Variants in CD2AP observed in about 807,000 individuals in gnomAD.
CD2AP encodes CD2 associated protein, also known as CD2-associated protein.
A neutral mutation model predicts 85.1 loss-of-function variants in CD2AP; 46 were observed. The observed-to-expected ratio is 0.54, with a 90% CI of 0.43 to 0.69. The LOEUF (loss-of-function observed/expected upper bound fraction) is 0.69, where lower values mean the gene tolerates loss of function less well. Ranked by LOEUF, CD2AP falls within the 30% of genes least tolerant of loss-of-function variation. The pLI is 0.00. For synonymous variants in CD2AP, 255 were observed against 252.9 expected, an observed-to-expected ratio of 1.01 and a Z score of -0.08; for missense variants, 769 against 729.5, an observed-to-expected ratio of 1.05 and a Z score of -0.62.
At chr6:47,562,985 G>A (rs1179540592) in intron 5 of CD2AP, 2 of 428,382 alleles carry the variant, frequency 4.7e-6, no homozygotes, top group Non-Finnish European at 8.5e-6. Flanking sequence ...CTTACGCCCA[G>A]TATGTCATCG....
At chr6:47,595,031 G>A (rs189393296) in intron 11 of CD2AP, among the ~76,000 whole-genome samples, 122 of 151,810 alleles carry the variant, frequency 8.0e-4, no homozygotes, top group Non-Finnish European at 1.4e-3. Flanking sequence ...TTGTATATAC[G>A]TCTTAAGACA....
At chr6:47,581,966 T>C (rs1340482531) in intron 10 of CD2AP, 37 bp from the exon 11 acceptor site, 6 of 1,356,350 alleles carry the variant, frequency 4.4e-6, no homozygotes, top group Non-Finnish European at 5.3e-6. Context: ...GCTTTAAAAC[T>C]GTCTTCTTAA....
At chr6:47,539,344 C>T (rs1562022514) in intron 3 of CD2AP, among the ~76,000 whole-genome samples, 2 of 152,152 alleles carry the variant, frequency 1.3e-5, no homozygotes, top group Non-Finnish European at 2.9e-5. Flanking sequence ...TATTGAAGCT[C>T]TTCTTTAGGT....
Position 47,609,219 on chromosome 6 carries a change from G to A in CD2AP, c.1729G>A (p.Asp577Asn). 2 of 1,613,086 alleles carry A rather than the reference G, an allele frequency of 1.2e-6. No homozygotes were observed. The highest frequency in any genetic ancestry group is 1.7e-6 in the Non-Finnish European group (2 of 1,179,346). ...AATCAAAGCTAAAGTGGAAACAGAT[G>A]ATGTGAAAAAAAATTCCCTGGATGA... ...LEIKAKVETD[D>N]VKKNSLDELR... Residue 577 changes from aspartate (D) to asparagine (N), a missense_variant, in exon 16 of 18, where the codon GAT (aspartate) becomes AAT (asparagine). By Grantham distance (23) the Asp-to-Asn change is conservative. Transcript: ENST00000359314.
chr6:47,478,048 C>A lies in CD2AP; in HGVS notation c.-197C>A. On this transcript the variant is annotated 5_prime_UTR_variant, in exon 1 of 18. Coordinates refer to ENST00000359314, the MANE Select transcript of CD2AP (RefSeq NM_012120.3). ...GGAGCTGTCGCCGCCTTTGCCTCTG[C>A]CTCGAGGGCCGCGCTGAAGAGACTG... is the stretch of plus-strand genomic sequence containing the variant. The A allele has an allele frequency of 1.5e-6, 1 of 685,594 alleles. No individual in the cohort carries two copies. Among genetic ancestry groups the A allele is most frequent in the Non-Finnish European group, 2.5e-6 (1 of 403,910 alleles). The allele number at this position is 685,594 out of a possible 1,614,324, so 42.5% of individuals were successfully genotyped here.
intron 5 of CD2AP, among the ~76,000 whole-genome samples, chr6:47,565,411 G>A (rs1342727843): frequency 1.3e-5 from 2 of 152,068 alleles, no homozygotes; most frequent in African/African-American, 4.8e-5. Context: ...TTGCTAAATA[G>A]GAATGTGTTT....
intron 4 of CD2AP, among the ~76,000 whole-genome samples, chr6:47,547,031 A>G (rs565781323): frequency 6.6e-6 from 1 of 152,174 alleles, no homozygotes; most frequent in Non-Finnish European, 1.5e-5. Context: ...AGGAGCTCTA[A>G]ATCTTGAAGC....
intron 2 of CD2AP, among the ~76,000 whole-genome samples, chr6:47,508,838 C>G (rs1286859773): frequency 6.6e-6 from 1 of 152,164 alleles, no homozygotes; most frequent in Non-Finnish European, 1.5e-5. Flanking sequence ...AGCCTGGCCT[C>G]ACACTTTCTT....
rs1326120994 is a variant in CD2AP at position 47,554,721 on chromosome 6, G to C, written c.496G>C (p.Glu166Gln). 1.9e-6 allele frequency: 3 copies of C among 1,613,480 alleles called. No homozygotes were observed. In the African/African-American group the frequency reaches 4.0e-5, roughly 22 times the overall value. Residue 166 changes from glutamate (E) to glutamine (Q), a missense_variant, in exon 5 of 18, where the codon GAG (glutamate) becomes CAG (glutamine). Physicochemically the swap from Glu to Gln is conservative, Grantham distance 29. Transcript: ENST00000359314. The stretch of plus-strand genomic sequence containing the variant: ...TCCCTCAAATTTTGTGAAAGAATTA[G>C]AGGTAACAGATGATGGTGAAACTCA... ...LFPSNFVKEL[E>Q]VTDDGETHEA...
intron 17 of CD2AP, among the ~76,000 whole-genome samples, chr6:47,620,908 C>T (rs1769727439): frequency 6.6e-6 from 1 of 152,110 alleles, no homozygotes; most frequent in Admixed American, 6.6e-5. Flanking sequence ...CCCGAAACTT[C>T]GCTGAATTGT....
At position 47,610,971 on chromosome 6, in the gene CD2AP, A is replaced by ATATATATATATATATTTTTTTTT; in HGVS notation, c.1815-1501_1815-1500insATATATATATATATTTTTTTTTT. On this transcript the variant is annotated intron_variant, in intron 16 of 17. Transcript: ENST00000359314. ...GATTTATATATATATATATATATGT[A>ATATATATATATATATTTTTTTTT]TTTTTTTTTTTTTTTGAATATAAAA... Among the ~76,000 whole-genome samples the ATATATATATATATATTTTTTTTT allele has an allele frequency of 1.1e-3, 128 of 112,826 alleles. 3 individuals are homozygous for ATATATATATATATATTTTTTTTT. The highest frequency in any genetic ancestry group is 4.4e-3 in the African/African-American group (123 of 27,800). 74.0% of individuals were successfully genotyped at this position (112,826 alleles called of 152,430 possible). A position where few individuals can be genotyped will look rare whatever the true frequency, so the allele number is the denominator to read the frequency against.
rs1379209949 is a variant in CD2AP at position 47,612,488 on chromosome 6, A to C, written c.1830A>C (p.Lys610Asn). The C allele has an allele frequency of 1.2e-6, 2 of 1,604,706 alleles. No homozygotes were observed. Among genetic ancestry groups the C allele is most frequent in the Non-Finnish European group, 8.5e-7 (1 of 1,171,858 alleles). ...TTGTTTTTAGGAAAGAACTGGAAAA[A>C]CTGCGAAAAGATTTGGAAGAAGAGA... The part of the protein sequence containing the change: ...LKKDHGKELE[K>N]LRKDLEEEKT... The change falls in exon 17 of 18, where the codon AAA (lysine) becomes AAC (asparagine). Residue 610 changes from lysine (K) to asparagine (N), a missense_variant. Lys to Asn is a moderately conservative substitution (Grantham distance 94). Coordinates refer to ENST00000359314, the MANE Select transcript of CD2AP (RefSeq NM_012120.3).
At chr6:47,576,896 T>G in intron 7 of CD2AP, 113 bp from the exon 8 acceptor site, 1 of 721,894 alleles carries the variant, frequency 1.4e-6, no homozygotes, top group Non-Finnish European at 2.5e-6. Flanking sequence ...TTAAAGATAA[T>G]TAAGTTCATC....
chr6:47,581,954 G>A, intron 10 of CD2AP, 49 bp from the exon 11 acceptor site: 1 of 1,194,364 alleles, frequency 8.4e-7, no homozygotes, highest in Non-Finnish European at 1.3e-6. Flanking sequence ...AATTGTCTCT[G>A]TGCTTTAAAA....
intron 2 of CD2AP, among the ~76,000 whole-genome samples, chr6:47,528,289 C>T (rs762774354): frequency 1.3e-5 from 2 of 152,172 alleles, no homozygotes; most frequent in African/African-American, 2.4e-5. Context: ...ATTCTCATAC[C>T]TCATCCTCCC....
At chr6:47,478,399 C>CCTGCCTTCCACCTTGCT (rs1376868980) in intron 1 of CD2AP, 151 bp downstream of exon 1, 13 of 936,994 alleles carry the variant, frequency 1.4e-5, no homozygotes, top group Non-Finnish European at 2.0e-5. Context: ...CCCTTCTTGC[C>CCTGCCTTCCACCTTGCT]CTGCCTTCCA....
chr6:47,623,406 A>G (rs1032683258), intron 17 of CD2AP, among the ~76,000 whole-genome samples: 7 of 152,220 alleles, frequency 4.6e-5, no homozygotes, highest in South Asian at 2.1e-4. Context: ...AGAGAAATCA[A>G]TATAAAAACC....
At chr6:47,613,694 TA>T (rs912732756) in intron 17 of CD2AP, among the ~76,000 whole-genome samples, 2 of 152,158 alleles carry the variant, frequency 1.3e-5, no homozygotes, top group African/African-American at 4.8e-5. Flanking sequence ...TGGTTTCCAT[TA>T]AAGCCACCAG....
At chr6:47,566,948 T>C (rs987471861) in intron 5 of CD2AP, among the ~76,000 whole-genome samples, 31 of 152,206 alleles carry the variant, frequency 2.0e-4, no homozygotes, top group African/African-American at 6.3e-4. Flanking sequence ...CATGTGTCTT[T>C]ATAGTAGAAT....
Sources: allele counts gnomAD v4.1 joint callset (sites outside exome capture counted in the v4.1 genomes callset), GRCh38; gene constraint gnomAD v4.1.1; transcripts MANE v1.5; gene names NCBI Gene and HGNC (gene_info 2026-07-23, HGNC 2026-07-21).